Variants in TRDN observed in about 807,000 individuals in gnomAD.
TRDN encodes the protein triadin in skeletal muscle.
TRDN carries 161 observed loss-of-function variants against 149.7 expected under a neutral mutation model. The ratio of observed to expected loss-of-function variants is 1.08; its 90% CI spans 0.95 to 1.23. TRDN has a LOEUF of 1.23. TRDN is among the 50% of genes most tolerant of loss of function. TRDN has a pLI of 0.00. For synonymous variants in TRDN, 294 were observed against 250.5 expected (o/e 1.17, Z -1.64); for missense variants, 896 against 823.5 (o/e 1.09, Z -1.08).
chr6:123,377,637 T>C, intron 18 of TRDN, 79 bp downstream of exon 18: 1 of 1,552,918 alleles, frequency 6.4e-7, no homozygotes. Flanking sequence ...TGGCGCTGCC[T>C]TACCACCTGT....
intron 10 of TRDN, chr6:123,464,629 C>G: frequency 1.7e-6 from 2 of 1,165,006 alleles, no homozygotes; most frequent in Non-Finnish European, 2.1e-6. Context: ...ATAGCCTTAT[C>G]TATTTGTCCC....
At chr6:123,428,594 A>G (rs1372924320) in intron 12 of TRDN, among the ~76,000 whole-genome samples, 1 of 152,228 alleles carries the variant, frequency 6.6e-6, no homozygotes, top group African/African-American at 2.4e-5. Context: ...AAGATCAAGT[A>G]TCTTCAGTGA....
At chr6:123,247,956 C>T (rs1776244547) in intron 38 of TRDN, among the ~76,000 whole-genome samples, 1 of 152,038 alleles carries the variant, frequency 6.6e-6, no homozygotes, top group Non-Finnish European at 1.5e-5. Flanking sequence ...ACATCTACAA[C>T]CACCTGATCT....
chr6:123,455,634 A>G (rs1776072391), intron 10 of TRDN, among the ~76,000 whole-genome samples: 1 of 152,160 alleles, frequency 6.6e-6, no homozygotes, highest in African/African-American at 2.4e-5. Context: ...CATAAATTAC[A>G]AATGCTTTTG....
intron 24 of TRDN, among the ~76,000 whole-genome samples, chr6:123,301,766 T>TAC (rs1401564938): frequency 0.029 from 1,082 of 37,922 alleles, 43 homozygotes; most frequent in South Asian, 0.11. Flanking sequence ...TATATATATA[T>TAC]ATACATATAT....
chr6:123,378,529 C>G (rs1204333292), intron 16 of TRDN, among the ~76,000 whole-genome samples: 2 of 150,738 alleles, frequency 1.3e-5, no homozygotes, highest in Non-Finnish European at 2.9e-5. Flanking sequence ...GTTGCCCAGG[C>G]TGGTCTCAAA....
intron 38 of TRDN, among the ~76,000 whole-genome samples, chr6:123,233,237 C>T (rs1582752314): frequency 6.6e-6 from 1 of 152,196 alleles, no homozygotes; most frequent in East Asian, 1.9e-4. Context: ...CAACATTTGA[C>T]AGCCAGTTTA....
intron 2 of TRDN, among the ~76,000 whole-genome samples, chr6:123,550,731 T>C (rs1386122150): frequency 1.3e-5 from 2 of 151,950 alleles, no homozygotes; most frequent in African/African-American, 4.8e-5. Context: ...TTATATTCCA[T>C]TCTGAGGGAT....
chr6:123,543,720 A>C (rs1285483299), intron 4 of TRDN, among the ~76,000 whole-genome samples: 1 of 152,182 alleles, frequency 6.6e-6, no homozygotes, highest in Non-Finnish European at 1.5e-5. Flanking sequence ...ACATTTAAAA[A>C]TAAAGTTGCC....
intron 1 of TRDN, among the ~76,000 whole-genome samples, chr6:123,614,509 C>G (rs1468604631): frequency 6.6e-6 from 1 of 151,256 alleles, no homozygotes; most frequent in Non-Finnish European, 1.5e-5. Flanking sequence ...TTTAATTACA[C>G]TTATTGAAGA....
At chr6:123,602,656 T>C (rs1236411966) in intron 1 of TRDN, among the ~76,000 whole-genome samples, 1 of 152,066 alleles carries the variant, frequency 6.6e-6, no homozygotes, top group Non-Finnish European at 1.5e-5. Context: ...CCTATCTCAA[T>C]GTATTTCCTT....
chr6:123,541,931 C>A (rs987088333), intron 4 of TRDN, among the ~76,000 whole-genome samples: 1 of 152,168 alleles, frequency 6.6e-6, no homozygotes, highest in Non-Finnish European at 1.5e-5. Context: ...ATACAACCTT[C>A]TGAATGGCCT....
In TRDN at chr6:123,278,316, A is replaced by G. The variant is rs1384476992; in HGVS notation, c.1567+2T>C. 3.1e-6 allele frequency: 4 copies of G among 1,294,166 alleles called. No homozygotes were observed. Among genetic ancestry groups the G allele is most frequent in the Non-Finnish European group, 4.2e-6 (4 of 958,638 alleles). The allele number at this position is 1,294,166 out of a possible 1,614,324, so 80.2% of individuals were successfully genotyped here. On this transcript the variant is annotated splice_donor_variant, in intron 26 of 40. Transcript: ENST00000334268. LOFTEE classifies it high-confidence loss of function. Reference sequence around the variant, plus strand: ...ATATGTGTATAAATAAAATATACATACCTGGCTTCTCTTCCTTTTTTCCTT... The same window carrying G: ...ATATGTGTATAAATAAAATATACATGCCTGGCTTCTCTTCCTTTTTTCCTT...
chr6:123,286,849 G>GCAA (rs1233207644), intron 24 of TRDN, among the ~76,000 whole-genome samples: 2 of 152,024 alleles, frequency 1.3e-5, no homozygotes, highest in African/African-American at 4.8e-5. Flanking sequence ...AGCAGCAGCA[G>GCAA]CAGCAGCACC....
intron 38 of TRDN, among the ~76,000 whole-genome samples, chr6:123,240,627 A>G (rs1352678884): frequency 6.6e-6 from 1 of 151,912 alleles, no homozygotes; most frequent in African/African-American, 2.4e-5. Flanking sequence ...AGACAAATGA[A>G]TTCAAAACAT....
intron 1 of TRDN, among the ~76,000 whole-genome samples, chr6:123,624,212 G>A (rs960361349): frequency 2.0e-5 from 3 of 152,088 alleles, no homozygotes; most frequent in Non-Finnish European, 4.4e-5. Context: ...AAATGACAGA[G>A]TGATAGGAAG....
At chr6:123,332,531 A>G (rs1223427498) in intron 22 of TRDN, among the ~76,000 whole-genome samples, 1 of 152,064 alleles carries the variant, frequency 6.6e-6, no homozygotes, top group African/African-American at 2.4e-5. Flanking sequence ...CCTTCCAAAC[A>G]CATCTTCAGT....
chr6:123,310,925 T>C lies in TRDN; in HGVS notation c.1510+5532A>G, dbSNP rs556200767. On this transcript the variant is annotated intron_variant, in intron 24 of 40. Coordinates refer to ENST00000334268, the MANE Select transcript of TRDN (RefSeq NM_006073.4). ...ACTCTACTGTTCTGTGCAAATGCAA[T>C]TGGGTTTATGACCAGGACTGACTTT... is the stretch of plus-strand genomic sequence containing the variant. 9.9e-5 allele frequency among the ~76,000 whole-genome samples: 15 copies of C among 152,072 alleles called. No individual in the cohort carries two copies. In the South Asian group the frequency reaches 1.4e-3, roughly 15 times the overall value.
At chr6:123,309,227 C>T (rs1778723817) in intron 24 of TRDN, among the ~76,000 whole-genome samples, 1 of 151,868 alleles carries the variant, frequency 6.6e-6, no homozygotes, top group South Asian at 2.1e-4. Flanking sequence ...TGGATTTAAA[C>T]AGCCATCTTC....
Sources: allele counts gnomAD v4.1 joint callset (sites outside exome capture counted in the v4.1 genomes callset), GRCh38; gene constraint gnomAD v4.1.1; transcripts MANE v1.5; gene names NCBI Gene and HGNC (gene_info 2026-07-23, HGNC 2026-07-21).